Variants in ABI3BP observed in about 807,000 individuals in gnomAD.
ABI3BP encodes the protein target of Nesh-SH3.
A neutral mutation model predicts 268.6 loss-of-function variants in ABI3BP; 216 were observed. That is an observed-to-expected ratio of 0.80 (90% CI 0.72 to 0.90). The LOEUF is 0.90. Ranked by LOEUF, ABI3BP falls within the 40% of genes least tolerant of loss-of-function variation. ABI3BP has a pLI of 0.00. For missense variants in ABI3BP, 2,090 were observed against 2,182.4 expected (o/e 0.96, Z 0.84); for synonymous variants, 730 against 730.0 (o/e 1.00, Z 0.00).
intron 55 of ABI3BP, among the ~76,000 whole-genome samples, chr3:100,790,114 C>T (rs973697972): frequency 6.6e-6 from 1 of 151,896 alleles, no homozygotes; most frequent in Non-Finnish European, 1.5e-5. Context: ...CAAAAGAGGA[C>T]AAGCAAGGAG....
chr3:100,993,258 T>G, intron 1 of ABI3BP, 48 bp downstream of exon 1: 4 of 1,278,272 alleles, frequency 3.1e-6, no homozygotes, highest in Non-Finnish European at 4.4e-6. Flanking sequence ...TTTAAAAACA[T>G]CTATATCTTA....
intron 1 of ABI3BP, among the ~76,000 whole-genome samples, 197 bp downstream of exon 1, chr3:100,993,109 A>G (rs1291004534): frequency 1.3e-5 from 2 of 152,204 alleles, no homozygotes; most frequent in Admixed American, 6.5e-5. Flanking sequence ...TTTTGCAATA[A>G]AGAGCTGTAA....
intron 36 of ABI3BP, 105 bp from the exon 37 acceptor site, chr3:100,823,619 C>CAAAAAAAAA: frequency 1.4e-6 from 1 of 731,896 alleles, no homozygotes; most frequent in Non-Finnish European, 2.1e-6. Flanking sequence ...TCCAGAGAAA[C>CAAAAAAAAA]AAAAAAAAAA....
intron 2 of ABI3BP, among the ~76,000 whole-genome samples, chr3:100,915,648 C>A (rs530966027): frequency 6.6e-6 from 1 of 152,180 alleles, no homozygotes; most frequent in Non-Finnish European, 1.5e-5. Context: ...TCTGATAGGA[C>A]CTCACTTACA....
chr3:100,766,277 T>C (rs1559903549), intron 62 of ABI3BP, among the ~76,000 whole-genome samples: 2 of 152,232 alleles, frequency 1.3e-5, no homozygotes, highest in Admixed American at 6.5e-5. Context: ...GTGAGTCAGA[T>C]AGTCTGCCGC....
In ABI3BP at chr3:100,749,956, T is replaced by G. The variant is rs960364421; in HGVS notation, c.*539A>C. On this transcript the variant is annotated 3_prime_UTR_variant, in exon 68 of 68. Transcript: ENST00000471714. ...AAACTCCTCCGCAAAGCTATTCAGC[T>G]GTTGCTAAAAAATTGAAGTTTAAAT... 6.0e-5 allele frequency: 23 copies of G among 382,646 alleles called. No homozygotes were observed. In the Admixed American group the frequency reaches 1.0e-3, roughly 17 times the overall value. The allele number at this position is 382,646 out of a possible 1,614,324, so 23.7% of individuals were successfully genotyped here. A position where few individuals can be genotyped will look rare whatever the true frequency, so the allele number is the denominator to read the frequency against.
At position 100,765,821 on chromosome 3, in the gene ABI3BP, G is replaced by A. The variant is rs773201985; in HGVS notation, c.4850+20C>T. The stretch of plus-strand genomic sequence containing the variant: ...CTTTTGCACTCTCAGAATTTACCTG[G>A]AATAGCACTGGTGGCTTACCTCGTG... On this transcript the variant is annotated intron_variant, in intron 63 of 67. Transcript: ENST00000471714. 1 of 1,538,076 alleles carries A rather than the reference G, an allele frequency of 6.5e-7. No individual in the cohort carries two copies. The highest frequency in any genetic ancestry group is 1.2e-5 in the South Asian group (1 of 86,802).
chr3:100,757,805 T>C (rs1410382996), intron 63 of ABI3BP, among the ~76,000 whole-genome samples: 5 of 152,244 alleles, frequency 3.3e-5, no homozygotes, highest in Non-Finnish European at 7.4e-5. Flanking sequence ...AGGGATTTAA[T>C]TGACAGAAGT....
chr3:100,753,950 T>G (rs2095479366), intron 64 of ABI3BP, 102 bp from the exon 65 acceptor site: 1 of 1,212,332 alleles, frequency 8.2e-7, no homozygotes, highest in Non-Finnish European at 1.2e-6. Flanking sequence ...TAAGAAGTCT[T>G]ATTTGCAAAA....
intron 58 of ABI3BP, 73 bp from the exon 59 acceptor site, chr3:100,778,449 T>G (rs1199865908): frequency 7.3e-7 from 1 of 1,362,582 alleles, no homozygotes; most frequent in Non-Finnish European, 1.0e-6. Flanking sequence ...AAAACAGGGT[T>G]TTTAAAAATA....
chr3:100,799,001 C>T (rs1236165094), intron 51 of ABI3BP, among the ~76,000 whole-genome samples: 1 of 152,062 alleles, frequency 6.6e-6, no homozygotes, highest in Admixed American at 6.6e-5. Flanking sequence ...CCTTCTATCT[C>T]ATTTGAGGCC....
At chr3:100,911,797 A>G in intron 2 of ABI3BP, 4 of 1,388,450 alleles carry the variant, frequency 2.9e-6, no homozygotes, top group Non-Finnish European at 3.1e-6. Context: ...AATAGCAGAA[A>G]AATAAGTTCT....
At chr3:100,864,674 C>T (rs1666965484) in intron 11 of ABI3BP, 159 bp downstream of exon 11, 2 of 608,204 alleles carry the variant, frequency 3.3e-6, no homozygotes, top group Admixed American at 6.0e-5. Context: ...GGAATCTGTC[C>T]AAGAAAGAGG....
chr3:100,795,242 G>T (rs891017466), intron 53 of ABI3BP, among the ~76,000 whole-genome samples: 1 of 152,020 alleles, frequency 6.6e-6, no homozygotes, highest in African/African-American at 2.4e-5. Context: ...CAGAATGGCT[G>T]GTTGAGATGG....
intron 1 of ABI3BP, 38 bp downstream of exon 1, chr3:100,993,268 A>T (rs2093238442): frequency 7.4e-7 from 1 of 1,353,488 alleles, no homozygotes; most frequent in African/African-American, 1.5e-5. Context: ...TCTATATCTT[A>T]ATATTATTTT....
intron 63 of ABI3BP, among the ~76,000 whole-genome samples, chr3:100,755,710 A>AATTTGCC (rs2095579084): frequency 6.6e-6 from 1 of 152,240 alleles, no homozygotes; most frequent in Admixed American, 6.5e-5. Flanking sequence ...ACAGTAAAGC[A>AATTTGCC]ATTTGCCATT....
At chr3:100,836,677 T>A (rs1314867615) in intron 27 of ABI3BP, among the ~76,000 whole-genome samples, 2 of 152,174 alleles carry the variant, frequency 1.3e-5, no homozygotes, top group Non-Finnish European at 2.9e-5. Context: ...TGCATATGAA[T>A]AATGTGGAAC....
chr3:100,960,698 G>A (rs1207210910), intron 1 of ABI3BP, among the ~76,000 whole-genome samples: 3 of 152,164 alleles, frequency 2.0e-5, no homozygotes, highest in South Asian at 2.1e-4. Flanking sequence ...CCATAAGTGC[G>A]GACTTTGAAG....
chr3:100,957,832 C>T (rs577352191), intron 1 of ABI3BP, among the ~76,000 whole-genome samples: 14 of 152,276 alleles, frequency 9.2e-5, no homozygotes, highest in African/African-American at 2.9e-4. Context: ...AGTGTAACTG[C>T]TTATTATTAT....
Sources: allele counts gnomAD v4.1 joint callset (sites outside exome capture counted in the v4.1 genomes callset), GRCh38; gene constraint gnomAD v4.1.1; transcripts MANE v1.5; gene names NCBI Gene and HGNC (gene_info 2026-07-23, HGNC 2026-07-21).